The following MTMR9 variants were observed in gnomAD, a reference collection of about 807,000 sequenced individuals.
The protein encoded by MTMR9 is myotubularin related protein 9.
A neutral mutation model predicts 69.5 loss-of-function variants in MTMR9; 39 were observed. The observed-to-expected ratio is 0.56, with a 90% CI of 0.43 to 0.73. The LOEUF is 0.73. MTMR9 is among the 30% of genes least tolerant of loss of function. The pLI, the probability that MTMR9 is intolerant of heterozygous loss-of-function variation, is 0.00. For synonymous variants in MTMR9, 354 were observed against 240.8 expected, an observed-to-expected ratio of 1.47 and a Z score of -4.35; for missense variants, 900 against 671.2, an observed-to-expected ratio of 1.34 and a Z score of -3.77.
chr8:11,310,566 A>G (rs1463114987), intron 6 of MTMR9, among the ~76,000 whole-genome samples: 1 of 152,216 alleles, frequency 6.6e-6, no homozygotes, highest in Non-Finnish European at 1.5e-5. Flanking sequence ...CCTTGGGGTC[A>G]AGATTGCCAG....
rs184722837 is a variant in MTMR9 at position 11,297,880 on chromosome 8, C to G, written c.292-2143C>G. ...GTGATTAACATAGTGAACCTGTCCT[C>G]TATCCTTTTCCTGGCACAGAATCCC... is the stretch of plus-strand genomic sequence containing the variant. On this transcript the variant is annotated intron_variant, in intron 2 of 9. Coordinates refer to ENST00000221086, the MANE Select transcript of MTMR9 (RefSeq NM_015458.4). 6.4e-4 allele frequency: 292 copies of G among 456,300 alleles called. 2 individuals are homozygous for G. The highest frequency in any genetic ancestry group is 5.0e-3 in the African/African-American group (253 of 50,200). The allele number at this position is 456,300 out of a possible 1,614,324, so 28.3% of individuals were successfully genotyped here.
Position 11,285,087 on chromosome 8 carries a change from C to T in MTMR9, c.182+17C>T, listed in dbSNP as rs775030389. 3.9e-6 allele frequency: 6 copies of T among 1,547,322 alleles called. No individual in the cohort carries two copies. The South Asian group carries it at 5.9e-5, about 15-fold the overall frequency. On this transcript the variant is annotated intron_variant, in intron 1 of 9. Transcript: ENST00000221086. ...CGACAAGCGGTGAGTGCCCGCCCCA[C>T]CCCAGCTCCGCAGGGAGCCGGGGGT...
intron 5 of MTMR9, among the ~76,000 whole-genome samples, chr8:11,308,804 G>C (rs1800069797): frequency 6.6e-6 from 1 of 152,124 alleles, no homozygotes; most frequent in South Asian, 2.1e-4. Flanking sequence ...TGAACAGCCA[G>C]CCTTTGTGTT....
chr8:11,332,323 T>C, downstream of MTMR9: 133 of 746,456 alleles, frequency 1.8e-4, no homozygotes, highest in Non-Finnish European at 2.3e-4. Context: ...AAATGAGAAA[T>C]CTGGCTTATT....
chr8:11,334,547 T>G, the MTMR9 span, among the ~76,000 whole-genome samples: 1 of 150,860 alleles, frequency 6.6e-6, no homozygotes, highest in South Asian at 2.1e-4. Context: ...AATCAAAAGA[T>G]ATCACTACCA....
At chr8:11,336,683 G>A in the MTMR9 span, among the ~76,000 whole-genome samples, 1 of 152,188 alleles carries the variant, frequency 6.6e-6, no homozygotes, top group Non-Finnish European at 1.5e-5. Flanking sequence ...CTGCTCGACA[G>A]GTCCAATATT....
chr8:11,305,130 C>G (rs1181216324), intron 4 of MTMR9, 116 bp downstream of exon 4: 21 of 964,578 alleles, frequency 2.2e-5, no homozygotes, highest in Non-Finnish European at 3.0e-5. Flanking sequence ...CAGGTCTCCA[C>G]CACAAGGGCT....
rs1472793240 is a variant in MTMR9 at position 11,324,360 on chromosome 8, T to A, written c.*1572T>A. On this transcript the variant is annotated 3_prime_UTR_variant, in exon 10 of 10. Transcript: ENST00000221086. ...CAGTCCACAGTCTTTTTGGGAAAAT[T>A]GGCCTGCCACCTTCTTTAAGCTCAG... The A allele has an allele frequency of 1.3e-5, 2 of 151,530 alleles. No individual in the cohort carries two copies. The highest frequency in any genetic ancestry group is 2.9e-5 in the Non-Finnish European group (2 of 68,042). 9.4% of individuals were successfully genotyped at this position (151,530 alleles called of 1,614,324 possible). A position where few individuals can be genotyped will look rare whatever the true frequency, so the allele number is the denominator to read the frequency against.
In MTMR9 at chr8:11,285,023, G is replaced by C; in HGVS notation, c.135G>C (p.Thr45=). 14 of 1,612,680 alleles carry C rather than the reference G, an allele frequency of 8.7e-6. No homozygotes were observed. Among genetic ancestry groups the C allele is most frequent in the Non-Finnish European group, 1.2e-5 (14 of 1,179,458 alleles). The change falls in exon 1 of 10, where the codon ACG becomes ACC. Residue 45 remains threonine (T), a synonymous_variant. Transcript: ENST00000221086. ...HLILSSRQDN[T]EELWLLHSNI... is the part of the protein sequence containing the mutation. Reference sequence around the variant, plus strand: ...TCCTGTCCTCCCGGCAGGACAATACGGAGGAGCTGTGGCTCCTCCATTCAA... The same window carrying C: ...TCCTGTCCTCCCGGCAGGACAATACCGAGGAGCTGTGGCTCCTCCATTCAA...
At chr8:11,318,662 T>C (rs1800528831) in intron 8 of MTMR9, 1 of 152,212 alleles carries the variant, frequency 6.6e-6, no homozygotes, top group Admixed American at 6.5e-5. Context: ...TATCCTTCTC[T>C]AACAGTTTAT....
chr8:11,332,234 G>C (rs1801266272), downstream of MTMR9: 1 of 1,466,376 alleles, frequency 6.8e-7, no homozygotes, highest in Non-Finnish European at 9.1e-7. Context: ...TCCTAGGAAA[G>C]AGTGAAAGTC....
chr8:11,308,274 C>G (rs1800048323), intron 5 of MTMR9, among the ~76,000 whole-genome samples: 2 of 152,166 alleles, frequency 1.3e-5, no homozygotes. Context: ...AGTTTTTCCA[C>G]CACCACTCAT....
rs768001900 is a variant in MTMR9, at chr8:11,285,089, C to T, written c.182+19C>T. The T allele has an allele frequency of 1.3e-6, 2 of 1,545,870 alleles. No individual in the cohort carries two copies. Among genetic ancestry groups the T allele is most frequent in the Non-Finnish European group, 1.8e-6 (2 of 1,140,294 alleles). ...ACAAGCGGTGAGTGCCCGCCCCACC[C>T]CAGCTCCGCAGGGAGCCGGGGGTCC... On this transcript the variant is annotated intron_variant, in intron 1 of 9. Transcript: ENST00000221086.
intron 3 of MTMR9, among the ~76,000 whole-genome samples, chr8:11,302,582 T>C (rs1799789003): frequency 6.6e-6 from 1 of 152,150 alleles, no homozygotes; most frequent in African/African-American, 2.4e-5. Context: ...TGAAGGAAAT[T>C]TATTTAATCT....
At chr8:11,299,669 C>G (rs1313123250) in intron 2 of MTMR9, among the ~76,000 whole-genome samples, 1 of 152,146 alleles carries the variant, frequency 6.6e-6, no homozygotes, top group Non-Finnish European at 1.5e-5. Flanking sequence ...ACTGACTAGC[C>G]AAAAACTGAT....
chr8:11,330,165 C>T (rs905357104), downstream of MTMR9, among the ~76,000 whole-genome samples: 2 of 151,318 alleles, frequency 1.3e-5, no homozygotes, highest in African/African-American at 4.9e-5. Context: ...GGATCAGCCC[C>T]CGCCCGGCCA....
intron 3 of MTMR9, among the ~76,000 whole-genome samples, chr8:11,301,423 A>G (rs1055094098): frequency 1.3e-5 from 2 of 152,230 alleles, no homozygotes; most frequent in African/African-American, 4.8e-5. Flanking sequence ...TTTTTCAACC[A>G]ATAGTATTGG....
intron 1 of MTMR9, among the ~76,000 whole-genome samples, chr8:11,287,778 A>G (rs1353310855): frequency 1.6e-5 from 2 of 121,496 alleles, no homozygotes; most frequent in African/African-American, 6.4e-5. Context: ...TTATATATTT[A>G]TTATATATTA....
downstream of MTMR9, chr8:11,331,029 C>T: frequency 1.3e-6 from 2 of 1,520,000 alleles, no homozygotes; most frequent in Non-Finnish European, 1.8e-6. Flanking sequence ...ACCCGCACTC[C>T]AATGAGGTCA....
Sources: allele counts gnomAD v4.1 joint callset (sites outside exome capture counted in the v4.1 genomes callset), GRCh38; gene constraint gnomAD v4.1.1; transcripts MANE v1.5; gene names NCBI Gene and HGNC (gene_info 2026-07-23, HGNC 2026-07-21).